ABCA13: variants seen among roughly 807,000 people sequenced by gnomAD.
ABCA13 encodes the protein ATP-binding cassette sub-family A member 13.
Under a neutral mutation model 478.7 loss-of-function variants are expected in ABCA13, and 476 were observed. The observed-to-expected ratio is 0.99, with a 90% CI of 0.92 to 1.07. The LOEUF (loss-of-function observed/expected upper bound fraction) is 1.07. Among genes scored for constraint, ABCA13 ranks in the 50% least tolerant of loss-of-function variants. ABCA13 has a pLI of 0.00. For missense variants in ABCA13, 6,060 were observed against 5,910.6 expected (o/e 1.03, Z -0.83); for synonymous variants, 2,252 against 2,158.9 (o/e 1.04, Z -1.20).
chr7:48,279,116 T>G lies in ABCA13; in HGVS notation c.7922T>G (p.Phe2641Cys), dbSNP rs1562954995. ...GATATTTTGGAAGAAATTGCTGAAT[T>G]TTTAACATCTGTGAAAATGAACTTG... is the stretch of plus-strand genomic sequence containing the variant. ...FSDILEEIAE[F>C]LTSVKMNLED... The change falls in exon 18 of 62, where the codon TTT (phenylalanine) becomes TGT (cysteine). Residue 2641 changes from phenylalanine to cysteine, a missense_variant. Transcript: ENST00000435803. 6.2e-7 allele frequency: 1 copy of G among 1,610,686 alleles called. No individual in the cohort carries two copies. Among genetic ancestry groups the G allele is most frequent in the Non-Finnish European group, 8.5e-7 (1 of 1,178,822 alleles).
intron 59 of ABCA13, among the ~76,000 whole-genome samples, chr7:48,629,830 C>A (rs758356035): frequency 2.0e-5 from 3 of 151,858 alleles, no homozygotes; most frequent in Non-Finnish European, 4.4e-5. Flanking sequence ...AATCAAGTCA[C>A]GTGGCTAGCC....
intron 19 of ABCA13, among the ~76,000 whole-genome samples, 158 bp from the exon 20 acceptor site, chr7:48,287,802 C>G (rs143052295): frequency 1.0e-3 from 157 of 152,298 alleles, no homozygotes; most frequent in Non-Finnish European, 1.9e-3. Flanking sequence ...ACTCAAAAGG[C>G]ACAGCTTTAC....
intron 38 of ABCA13, among the ~76,000 whole-genome samples, chr7:48,401,184 T>C (rs1817551338): frequency 6.6e-6 from 1 of 152,250 alleles, no homozygotes; most frequent in African/African-American, 2.4e-5. Context: ...ATGTGGATTA[T>C]AATAATTTAT....
chr7:48,308,459 A>T (rs1324552120), intron 23 of ABCA13, among the ~76,000 whole-genome samples: 1 of 152,182 alleles, frequency 6.6e-6, no homozygotes, highest in East Asian at 1.9e-4. Context: ...ACTATTATGT[A>T]CTGTACATAA....
intron 58 of ABCA13, among the ~76,000 whole-genome samples, chr7:48,608,050 T>G (rs771206958): frequency 1.8e-4 from 27 of 152,130 alleles, no homozygotes; most frequent in Non-Finnish European, 3.1e-4. Flanking sequence ...CCAGCTAAAT[T>G]TTGTATTTTT....
intron 57 of ABCA13, among the ~76,000 whole-genome samples, chr7:48,594,458 G>T (rs185653405): frequency 2.0e-5 from 3 of 151,880 alleles, no homozygotes; most frequent in African/African-American, 7.2e-5. Flanking sequence ...TCTGGATGAG[G>T]TGAGAAAGAA....
intron 3 of ABCA13, among the ~76,000 whole-genome samples, chr7:48,211,183 G>C (rs1252583901): frequency 6.6e-6 from 1 of 152,208 alleles, no homozygotes; most frequent in African/African-American, 2.4e-5. Flanking sequence ...TTCATTAATG[G>C]CTGAGCATTG....
chr7:48,573,804 A>G (rs1308004901), intron 55 of ABCA13, among the ~76,000 whole-genome samples: 5 of 152,002 alleles, frequency 3.3e-5, no homozygotes, highest in Admixed American at 2.0e-4. Flanking sequence ...TTATTCTCTC[A>G]TGGTTCTAGA....
At chr7:48,584,233 C>A (rs1226141745) in intron 56 of ABCA13, among the ~76,000 whole-genome samples, 3 of 152,146 alleles carry the variant, frequency 2.0e-5, no homozygotes, top group African/African-American at 4.8e-5. Flanking sequence ...TTTTCATTCT[C>A]TTTTTCTTGT....
intron 38 of ABCA13, among the ~76,000 whole-genome samples, chr7:48,401,652 A>T (rs566406378): frequency 6.6e-6 from 1 of 152,166 alleles, no homozygotes; most frequent in South Asian, 2.1e-4. Context: ...ATCTTGCAAG[A>T]ATTTATAAAA....
intron 44 of ABCA13, 30 bp from the exon 45 acceptor site, chr7:48,471,500 A>G (rs1444937063): frequency 6.5e-7 from 1 of 1,531,170 alleles, no homozygotes; most frequent in Admixed American, 2.0e-5. Context: ...AATCTAAAAG[A>G]TCATTCCAAT....
chr7:48,269,756 AC>A (rs1190393096), intron 16 of ABCA13, among the ~76,000 whole-genome samples: 2 of 152,214 alleles, frequency 1.3e-5, no homozygotes, highest in African/African-American at 4.8e-5. Context: ...TGCTCTGTGT[AC>A]AGGACCCAGG....
intron 59 of ABCA13, chr7:48,626,868 A>G (rs1008887034): frequency 4.1e-6 from 4 of 985,426 alleles, no homozygotes; most frequent in African/African-American, 1.7e-5. Context: ...GAGAATTCCT[A>G]CGAGGAAGGG....
intron 10 of ABCA13, chr7:48,243,160 G>A (rs1373887118): frequency 1.3e-5 from 2 of 152,374 alleles, no homozygotes; most frequent in East Asian, 3.9e-4. Context: ...TTGTGAATGT[G>A]AAGTGTCTGT....
At chr7:48,298,611 C>T in intron 23 of ABCA13, 124 bp downstream of exon 23, 1 of 1,150,184 alleles carries the variant, frequency 8.7e-7, no homozygotes. Context: ...TAGTGGGTTG[C>T]TGCACAAATG....
intron 56 of ABCA13, among the ~76,000 whole-genome samples, chr7:48,583,574 C>T (rs1004410996): frequency 4.6e-5 from 7 of 152,126 alleles, no homozygotes; most frequent in African/African-American, 1.7e-4. Flanking sequence ...AGTGCATATC[C>T]CATTGAGATT....
In ABCA13 at chr7:48,352,203, A is replaced by G; in HGVS notation, c.10404A>G (p.Leu3468=). 1 of 1,605,994 alleles carries G rather than the reference A, an allele frequency of 6.2e-7. No individual in the cohort carries two copies. Among genetic ancestry groups the G allele is most frequent in the Non-Finnish European group, 8.5e-7 (1 of 1,174,828 alleles). Residue 3468 remains leucine, a synonymous_variant, in exon 31 of 62, where the codon TTA becomes TTG. Coordinates refer to ENST00000435803, the MANE Select transcript of ABCA13 (RefSeq NM_152701.5). ...FLASIIFSNS[L]FDKNFRSESV... ...TAGGTATCATTTTCAGCAATTCCTT[A>G]TTCGACAAGAACTTCAGATCAGAGT... is the stretch of plus-strand genomic sequence containing the variant.
intron 51 of ABCA13, among the ~76,000 whole-genome samples, chr7:48,515,069 T>G (rs1333591667): frequency 6.6e-6 from 1 of 152,090 alleles, no homozygotes; most frequent in African/African-American, 2.4e-5. Context: ...AGACTAAGAG[T>G]TAACTTGAGG....
intron 1 of ABCA13, among the ~76,000 whole-genome samples, chr7:48,173,326 A>G (rs1166451008): frequency 6.6e-6 from 1 of 152,224 alleles, no homozygotes; most frequent in Non-Finnish European, 1.5e-5. Context: ...TGAGAGCAGG[A>G]CATTTTCCCC....
Sources: gnomAD v4.1 joint callset for allele counts (sites outside exome capture counted in the v4.1 genomes callset) on GRCh38, gnomAD v4.1.1 for gene constraint, MANE v1.5 for transcripts, NCBI Gene and HGNC (gene_info 2026-07-23, HGNC 2026-07-21) for gene names.